Variants in PRKAG2 observed in about 807,000 individuals in gnomAD.
The protein encoded by PRKAG2 is protein kinase AMP-activated non-catalytic subunit gamma 2.
Under a neutral mutation model 69.6 loss-of-function variants are expected in PRKAG2, and 26 were observed. That is an observed-to-expected ratio of 0.37 (90% CI 0.27 to 0.52). The LOEUF (loss-of-function observed/expected upper bound fraction) is 0.52. Ranked by LOEUF, PRKAG2 falls within the 20% of genes least tolerant of loss-of-function variation. The probability of loss-of-function intolerance (pLI) is 0.90; values close to 1 mark genes in which losing one functional copy is unlikely to be tolerated. For missense variants in PRKAG2, 557 were observed against 740.0 expected, an observed-to-expected ratio of 0.75 and a Z score of 2.87; for synonymous variants, 293 against 285.0, an observed-to-expected ratio of 1.03 and a Z score of -0.28.
At chr7:151,794,487 C>T (rs993381919) in intron 1 of PRKAG2, among the ~76,000 whole-genome samples, 10 of 152,380 alleles carry the variant, frequency 6.6e-5, no homozygotes, top group African/African-American at 1.7e-4. Context: ...GCCCTTCCCG[C>T]GGTGTGAGCC....
chr7:151,648,079 G>A lies in PRKAG2; in HGVS notation c.685-15941C>T, dbSNP rs537275258. On this transcript the variant is annotated intron_variant, in intron 4 of 15. Coordinates refer to ENST00000287878, the MANE Select transcript of PRKAG2 (RefSeq NM_016203.4). ...AAGGCTGTCCAAAAAAGTACCTTTG[G>A]TGTGTAACTAGAGTAGCTTCCAGTG... is the stretch of plus-strand genomic sequence containing the variant. Among the ~76,000 whole-genome samples the A allele has an allele frequency of 5.3e-5, 8 of 152,176 alleles. No individual in the cohort carries two copies. The South Asian group carries it at 8.3e-4, about 16-fold the overall frequency.
chr7:151,857,346 C>T (rs993895274), intron 1 of PRKAG2, among the ~76,000 whole-genome samples: 2 of 150,428 alleles, frequency 1.3e-5, no homozygotes, highest in Non-Finnish European at 2.9e-5. Flanking sequence ...TGCCCAGGTC[C>T]GCCTGTGAGA....
chr7:151,747,565 A>C (rs1231001588), intron 3 of PRKAG2, among the ~76,000 whole-genome samples: 3 of 151,398 alleles, frequency 2.0e-5, no homozygotes, highest in Admixed American at 6.6e-5. Flanking sequence ...TCAAAAAAAA[A>C]CCAACCAACC....
At position 151,790,171 on chromosome 7, in the gene PRKAG2, C is replaced by G. The variant is rs569698214; in HGVS notation, c.115-3630G>C. On this transcript the variant is annotated intron_variant, in intron 1 of 15. Transcript: ENST00000287878. ...CCGGCCCATAGCAATGCAGGAATCA[C>G]CCTGGTGCCATTCACCAAACACCCC... Among the ~76,000 whole-genome samples the G allele has an allele frequency of 1.9e-3, 296 of 152,256 alleles. 3 individuals carry two copies. The highest frequency in any genetic ancestry group is 1.6e-3 in the Non-Finnish European group (108 of 68,016).
intron 1 of PRKAG2, among the ~76,000 whole-genome samples, chr7:151,832,274 G>GGGAA (rs1340023195): frequency 1.7e-4 from 26 of 148,608 alleles, no homozygotes; most frequent in African/African-American, 5.8e-4. Context: ...GAAGGGAGGA[G>GGGAA]GGAAGGAAGG....
chr7:151,576,549 G>A, intron 6 of PRKAG2, 97 bp from the exon 7 acceptor site: 2 of 1,058,544 alleles, frequency 1.9e-6, no homozygotes, highest in South Asian at 1.4e-5. Context: ...TGCCCAGGCT[G>A]GAGTGCAGTG....
chr7:151,853,064 A>T (rs1366236205), intron 1 of PRKAG2, among the ~76,000 whole-genome samples: 1 of 152,116 alleles, frequency 6.6e-6, no homozygotes, highest in Non-Finnish European at 1.5e-5. Context: ...GTGTCTCTGG[A>T]CTCAGCCCTA....
chr7:151,798,376 G>T (rs191207162), intron 1 of PRKAG2, among the ~76,000 whole-genome samples: 2 of 149,808 alleles, frequency 1.3e-5, no homozygotes, highest in Non-Finnish European at 3.0e-5. Flanking sequence ...GTGTAGTAGC[G>T]CAATCTTGGC....
intron 3 of PRKAG2, among the ~76,000 whole-genome samples, chr7:151,694,721 T>C (rs927536668): frequency 6.6e-6 from 1 of 152,236 alleles, no homozygotes; most frequent in Admixed American, 6.5e-5. Flanking sequence ...GCCATCGCTT[T>C]GCTATTGCTC....
chr7:151,750,325 T>C (rs926858471), intron 3 of PRKAG2, among the ~76,000 whole-genome samples: 2 of 152,174 alleles, frequency 1.3e-5, no homozygotes, highest in Non-Finnish European at 2.9e-5. Flanking sequence ...ATGGCAGCTC[T>C]ATTCACAAAA....
chr7:151,645,401 G>A (rs986449572), intron 4 of PRKAG2, among the ~76,000 whole-genome samples: 5 of 152,074 alleles, frequency 3.3e-5, no homozygotes, highest in Admixed American at 1.3e-4. Flanking sequence ...CTGAGCCTTC[G>A]GATGAGACCC....
chr7:151,579,464 A>C (rs992087919), intron 6 of PRKAG2, among the ~76,000 whole-genome samples: 1 of 152,230 alleles, frequency 6.6e-6, no homozygotes, highest in African/African-American at 2.4e-5. Context: ...TATGCCAGAA[A>C]GTTCTGAGTT....
chr7:151,822,672 G>A (rs1413232010), intron 1 of PRKAG2, among the ~76,000 whole-genome samples: 1 of 152,144 alleles, frequency 6.6e-6, no homozygotes, highest in Admixed American at 6.5e-5. Flanking sequence ...TGCTTCCAGT[G>A]GTGGCAGGTG....
chr7:151,685,380 C>T (rs1179081567), intron 3 of PRKAG2, among the ~76,000 whole-genome samples: 1 of 152,194 alleles, frequency 6.6e-6, no homozygotes, highest in Non-Finnish European at 1.5e-5. Context: ...AGCTTCAGCA[C>T]CCCTTTACAC....
At chr7:151,633,048 C>G (rs185649996) in intron 4 of PRKAG2, 1 of 152,264 alleles carries the variant, frequency 6.6e-6, no homozygotes, top group African/African-American at 2.4e-5. Context: ...CCTGGCCCCA[C>G]GGCCCATCCC....
intron 3 of PRKAG2, among the ~76,000 whole-genome samples, chr7:151,730,842 G>A (rs2270213): frequency 0.021 from 3,153 of 152,268 alleles, 163 homozygotes; most frequent in East Asian, 0.15. Context: ...GGATGCTGGC[G>A]TTCTGGGCAA....
intron 4 of PRKAG2, among the ~76,000 whole-genome samples, chr7:151,673,705 C>A (rs1387043676): frequency 6.6e-6 from 1 of 152,114 alleles, no homozygotes; most frequent in African/African-American, 2.4e-5. Context: ...CAGATTGGAC[C>A]GTATCTCCTA....
chr7:151,669,796 G>A lies in PRKAG2; in HGVS notation c.684+5624C>T, dbSNP rs571346240. 4.6e-3 allele frequency among the ~76,000 whole-genome samples: 524 copies of A among 113,520 alleles called. 3 individuals are homozygous for A. Among genetic ancestry groups the A allele is most frequent in the African/African-American group, 0.018 (483 of 27,222 alleles). 74.5% of individuals were successfully genotyped at this position (113,520 alleles called of 152,430 possible). A position where few individuals can be genotyped will look rare whatever the true frequency, so the allele number is the denominator to read the frequency against. On this transcript the variant is annotated intron_variant, in intron 4 of 15. Coordinates refer to ENST00000287878, the MANE Select transcript of PRKAG2 (RefSeq NM_016203.4). ...CACACACTTGCACGCACACACCTGT[G>A]CACACACTTGCACACACACACACCT...
intron 4 of PRKAG2, among the ~76,000 whole-genome samples, chr7:151,672,149 T>C (rs897704080): frequency 6.6e-6 from 1 of 151,758 alleles, no homozygotes; most frequent in Non-Finnish European, 1.5e-5. Context: ...TCGCCCAGGC[T>C]GGAGTGCAGT....
Sources: gnomAD v4.1 joint callset for allele counts (sites outside exome capture counted in the v4.1 genomes callset) on GRCh38, gnomAD v4.1.1 for gene constraint, MANE v1.5 for transcripts, NCBI Gene and HGNC (gene_info 2026-07-23, HGNC 2026-07-21) for gene names.